The following GRIP1 variants were observed in gnomAD, a reference collection of about 807,000 sequenced individuals.
GRIP1 encodes glutamate receptor interacting protein 1, also known as glutamate receptor-interacting protein 1.
GRIP1 carries 45 observed loss-of-function variants against 129.9 expected under a neutral mutation model. The ratio of observed to expected loss-of-function variants is 0.35; its 90% confidence interval spans 0.27 to 0.44. The LOEUF is 0.44. Ranked by LOEUF, GRIP1 falls within the 20% of genes least tolerant of loss-of-function variation. The pLI is 1.00. For synonymous variants in GRIP1, 530 were observed against 520.8 expected, an observed-to-expected ratio of 1.02 and a Z score of -0.24; for missense variants, 1,196 against 1,396.8, an observed-to-expected ratio of 0.86 and a Z score of 2.29.
At chr12:66,959,493 A>G (rs2041891342) in intron 1 of GRIP1, among the ~76,000 whole-genome samples, 1 of 152,208 alleles carries the variant, frequency 6.6e-6, no homozygotes, top group Admixed American at 6.5e-5. Flanking sequence ...GTCAGGTTTA[A>G]TTTATGACTC....
At chr12:67,014,066 A>T (rs2042748568) in intron 1 of GRIP1, among the ~76,000 whole-genome samples, 1 of 152,196 alleles carries the variant, frequency 6.6e-6, no homozygotes, top group Non-Finnish European at 1.5e-5. Context: ...GACCAGCCCA[A>T]AGATAATCTG....
chr12:66,911,311 T>A (rs537227657), intron 1 of GRIP1, among the ~76,000 whole-genome samples: 18 of 152,272 alleles, frequency 1.2e-4, no homozygotes, highest in African/African-American at 2.9e-4. Context: ...TAGAAAAAAA[T>A]TTTTAAAGGC....
upstream of GRIP1, among the ~76,000 whole-genome samples, chr12:66,680,964 AT>A (rs59371171): frequency 9.9e-5 from 15 of 151,726 alleles, no homozygotes; most frequent in Non-Finnish European, 2.1e-4. Flanking sequence ...TAATATGCTT[AT>A]TTTTTTTGTT....
At position 66,882,372 on chromosome 12, in the gene GRIP1, T is replaced by A. The variant is rs145118333; in HGVS notation, c.58+186678A>T. ...GACTCCAAGATCACCAGAGAAAAAC[T>A]GGATGCAAACTAATACCTGTTTTGT... On this transcript the variant is annotated intron_variant, in intron 1 of 1. Transcript: ENST00000643019. Among the ~76,000 whole-genome samples the A allele has an allele frequency of 1.2e-4, 19 of 152,210 alleles. No homozygotes were observed. The East Asian group carries it at 1.9e-3, about 15-fold the overall frequency.
chr12:66,749,637 G>C (rs965619860), intron 1 of GRIP1, among the ~76,000 whole-genome samples: 1 of 152,170 alleles, frequency 6.6e-6, no homozygotes, highest in African/African-American at 2.4e-5. Context: ...TTGGGAATAA[G>C]TGGGGATGAC....
intron 1 of GRIP1, among the ~76,000 whole-genome samples, chr12:66,671,264 T>C (rs1283792024): frequency 6.6e-6 from 1 of 152,202 alleles, no homozygotes; most frequent in African/African-American, 2.4e-5. Flanking sequence ...CACCTCAAAG[T>C]CTTTCTTCCT....
At chr12:66,472,716 C>G (rs934034596) in intron 7 of GRIP1, among the ~76,000 whole-genome samples, 3 of 152,184 alleles carry the variant, frequency 2.0e-5, no homozygotes, top group African/African-American at 7.2e-5. Context: ...CCAGGAAGCA[C>G]AAGGGGTTGG....
At chr12:66,914,316 T>A (rs978315952) in intron 1 of GRIP1, among the ~76,000 whole-genome samples, 4 of 152,220 alleles carry the variant, frequency 2.6e-5, no homozygotes, top group Non-Finnish European at 5.9e-5. Flanking sequence ...AGGTAAAGTT[T>A]ATAAATACTC....
chr12:66,384,411 CA>C (rs1294111763), intron 19 of GRIP1, among the ~76,000 whole-genome samples: 6 of 152,116 alleles, frequency 3.9e-5, no homozygotes, highest in African/African-American at 1.4e-4. Flanking sequence ...TACCAAAATG[CA>C]AAGCTTGCTT....
At chr12:66,950,229 T>C (rs1315610710) in intron 1 of GRIP1, among the ~76,000 whole-genome samples, 1 of 152,150 alleles carries the variant, frequency 6.6e-6, no homozygotes, top group Non-Finnish European at 1.5e-5. Flanking sequence ...GATACAAAAA[T>C]AAAGGGAATT....
intron 2 of GRIP1, among the ~76,000 whole-genome samples, chr12:66,590,598 A>C (rs2063816015): frequency 6.6e-6 from 1 of 152,130 alleles, no homozygotes; most frequent in African/African-American, 2.4e-5. Flanking sequence ...GCACTTTTCT[A>C]CAAGCAGAAC....
At chr12:66,456,412 A>G in intron 9 of GRIP1, 70 bp from the exon 10 acceptor site, 1 of 795,382 alleles carries the variant, frequency 1.3e-6, no homozygotes, top group Non-Finnish European at 1.8e-6. Flanking sequence ...AAAAGAGGAA[A>G]AATAACTGAA....
chr12:66,575,085 T>C (rs1186619476), intron 2 of GRIP1, among the ~76,000 whole-genome samples: 4 of 152,194 alleles, frequency 2.6e-5, no homozygotes, highest in Non-Finnish European at 5.9e-5. Flanking sequence ...ATTCCCACTT[T>C]TCAACAGTGA....
chr12:66,949,550 CTCTT>C (rs1452610463), intron 1 of GRIP1, among the ~76,000 whole-genome samples: 1 of 152,124 alleles, frequency 6.6e-6, no homozygotes, highest in Non-Finnish European at 1.5e-5. Context: ...TATCTATTTT[CTCTT>C]TCTTTTAAAA....
chr12:66,440,893 A>G (rs1299309303), intron 13 of GRIP1, among the ~76,000 whole-genome samples: 3 of 152,234 alleles, frequency 2.0e-5, no homozygotes, highest in Non-Finnish European at 4.4e-5. Flanking sequence ...AGGATATAAT[A>G]CAATATAAAA....
intron 10 of GRIP1, 107 bp downstream of exon 10, chr12:66,456,080 T>C (rs1324778479): frequency 1.6e-6 from 1 of 618,294 alleles, no homozygotes; most frequent in Non-Finnish European, 2.6e-6. Context: ...ATTGCTACTA[T>C]AAGAAACAGA....
In GRIP1 at chr12:66,925,094, G is replaced by A. The variant is rs113022060; in HGVS notation, c.58+143956C>T. On this transcript the variant is annotated intron_variant, in intron 1 of 1. Coordinates refer to the GRIP1 transcript ENST00000643019. ...CTCTGGCTCTTGTAACAGAGTTGGG[G>A]CACTTGAGATAAGATTCATAGGAAG... Among the ~76,000 whole-genome samples, 530 of 152,298 alleles carry A rather than the reference G, an allele frequency of 3.5e-3. 4 individuals carry two copies. Among genetic ancestry groups the A allele is most frequent in the African/African-American group, 0.012 (503 of 41,560 alleles).
chr12:66,584,620 C>T (rs1049961307), intron 2 of GRIP1, among the ~76,000 whole-genome samples: 1 of 151,900 alleles, frequency 6.6e-6, no homozygotes, highest in African/African-American at 2.4e-5. Context: ...GAGGAGAGAA[C>T]CCAGTGGAAT....
At chr12:66,651,873 G>A (rs928450113) in intron 1 of GRIP1, among the ~76,000 whole-genome samples, 19 of 151,694 alleles carry the variant, frequency 1.3e-4, no homozygotes, top group African/African-American at 4.6e-4. Context: ...ATGAAGAAGG[G>A]ACCAAACAGG....
Sources: allele counts gnomAD v4.1 joint callset (sites outside exome capture counted in the v4.1 genomes callset), GRCh38; gene constraint gnomAD v4.1.1; transcripts MANE v1.5; gene names NCBI Gene and HGNC (gene_info 2026-07-23, HGNC 2026-07-21).